CCBE1: variants seen among roughly 807,000 people sequenced by gnomAD.
CCBE1 encodes the protein collagen and calcium-binding EGF domain-containing protein 1.
A neutral mutation model predicts 50.0 loss-of-function variants in CCBE1; 37 were observed. The ratio of observed to expected loss-of-function variants is 0.74; its 90% CI spans 0.57 to 0.97. The LOEUF (loss-of-function observed/expected upper bound fraction) is 0.97. CCBE1 is among the 50% of genes least tolerant of loss of function. The pLI is 0.00. For synonymous variants in CCBE1, 234 were observed against 203.7 expected, an observed-to-expected ratio of 1.15 and a Z score of -1.27; for missense variants, 538 against 523.8, an observed-to-expected ratio of 1.03 and a Z score of -0.26.
chr18:59,483,324 C>T (rs1390357378), intron 2 of CCBE1, among the ~76,000 whole-genome samples: 2 of 152,172 alleles, frequency 1.3e-5, no homozygotes, highest in Non-Finnish European at 2.9e-5. Flanking sequence ...TAACCCTCAT[C>T]TGAAATACTT....
At chr18:59,693,005 A>G (rs868588585) in intron 2 of CCBE1, among the ~76,000 whole-genome samples, 1 of 142,036 alleles carries the variant, frequency 7.0e-6, no homozygotes, top group African/African-American at 2.6e-5. Context: ...CACACACACA[A>G]ACAAAAAACG....
chr18:59,589,811 A>G (rs2053234986), intron 2 of CCBE1, among the ~76,000 whole-genome samples: 1 of 129,350 alleles, frequency 7.7e-6, no homozygotes, highest in Non-Finnish European at 1.7e-5. Context: ...AAAAAAAAAA[A>G]GAAAGAAAAA....
intron 5 of CCBE1, among the ~76,000 whole-genome samples, chr18:59,464,532 C>A (rs1031526771): frequency 6.6e-6 from 1 of 152,242 alleles, no homozygotes; most frequent in Non-Finnish European, 1.5e-5. Context: ...CTATGAACAC[C>A]CCTGGGCAGG....
At chr18:59,481,761 T>A (rs1355324479) in intron 2 of CCBE1, among the ~76,000 whole-genome samples, 1 of 152,104 alleles carries the variant, frequency 6.6e-6, no homozygotes, top group Non-Finnish European at 1.5e-5. Flanking sequence ...ATTTCAGATT[T>A]AAAAAAACTA....
At chr18:59,560,144 T>TA (rs144262106) in intron 2 of CCBE1, among the ~76,000 whole-genome samples, 64 of 152,356 alleles carry the variant, frequency 4.2e-4, no homozygotes, top group African/African-American at 1.5e-3. Context: ...CCAGACTATA[T>TA]AGCAGGCACA....
At chr18:59,639,230 C>G (rs952675067) in intron 2 of CCBE1, among the ~76,000 whole-genome samples, 1 of 152,034 alleles carries the variant, frequency 6.6e-6, no homozygotes, top group Non-Finnish European at 1.5e-5. Flanking sequence ...TGATCACAAC[C>G]CACACTCCAG....
At chr18:59,673,344 G>A (rs542296002) in intron 2 of CCBE1, among the ~76,000 whole-genome samples, 125 of 152,260 alleles carry the variant, frequency 8.2e-4, no homozygotes, top group African/African-American at 2.9e-3. Context: ...CCAGCTACTT[G>A]GGAAGCTGAG....
At chr18:59,480,150 A>G in intron 3 of CCBE1, 36 bp downstream of exon 3, 1 of 1,305,494 alleles carries the variant, frequency 7.7e-7, no homozygotes, top group Non-Finnish European at 1.1e-6. Flanking sequence ...ATTAGTTGTG[A>G]ATAAAGTCAG....
intron 2 of CCBE1, among the ~76,000 whole-genome samples, chr18:59,582,109 T>C (rs1047064392): frequency 6.6e-6 from 1 of 152,168 alleles, no homozygotes; most frequent in African/African-American, 2.4e-5. Flanking sequence ...CTGTGCCTCA[T>C]AGTAGGGTGC....
chr18:59,661,499 C>T (rs748842344), intron 2 of CCBE1, among the ~76,000 whole-genome samples: 1 of 152,090 alleles, frequency 6.6e-6, no homozygotes, highest in Non-Finnish European at 1.5e-5. Context: ...CAAGTCAATC[C>T]TCATTACTCA....
chr18:59,626,787 GC>G (rs537763637), intron 2 of CCBE1, among the ~76,000 whole-genome samples: 193 of 152,344 alleles, frequency 1.3e-3, no homozygotes, highest in African/African-American at 4.5e-3. Flanking sequence ...TCCTCAAAGA[GC>G]CCTGTGAGAT....
At chr18:59,577,568 T>G (rs941462739) in intron 2 of CCBE1, among the ~76,000 whole-genome samples, 3 of 152,218 alleles carry the variant, frequency 2.0e-5, no homozygotes, top group Non-Finnish European at 2.9e-5. Context: ...TAAGAATTTG[T>G]GGATTTTTAA....
intron 2 of CCBE1, among the ~76,000 whole-genome samples, chr18:59,543,195 C>T (rs2144388501): frequency 6.6e-6 from 1 of 152,234 alleles, no homozygotes; most frequent in East Asian, 1.9e-4. Flanking sequence ...TCCCAGGGGC[C>T]TAGGATTCTG....
intron 2 of CCBE1, among the ~76,000 whole-genome samples, chr18:59,550,478 C>A (rs944242862): frequency 1.3e-5 from 2 of 152,174 alleles, no homozygotes; most frequent in African/African-American, 4.8e-5. Context: ...CAGAAGCCTT[C>A]ACAACACCAC....
At chr18:59,614,004 C>CAGGTG (rs1435304828) in intron 2 of CCBE1, among the ~76,000 whole-genome samples, 3 of 151,382 alleles carry the variant, frequency 2.0e-5, no homozygotes, top group African/African-American at 7.3e-5. Context: ...CACCTGAGTA[C>CAGGTG]CTGGGATTAC....
Position 59,656,765 on chromosome 18 carries a change from C to T in CCBE1, c.212+39864G>A, listed in dbSNP as rs540303435. Reference sequence around the variant, plus strand: ...ATGCTAATTTTGTAGGCTTCCTCTACGATAGAGACTTCTCAGTATTATCTT... The same window carrying T: ...ATGCTAATTTTGTAGGCTTCCTCTATGATAGAGACTTCTCAGTATTATCTT... On this transcript the variant is annotated intron_variant, in intron 2 of 10. Coordinates refer to ENST00000439986, the MANE Select transcript of CCBE1 (RefSeq NM_133459.4). Among the ~76,000 whole-genome samples the T allele has an allele frequency of 3.9e-4, 59 of 152,316 alleles. No homozygotes were observed. In the South Asian group the frequency reaches 8.9e-3, roughly 23 times the overall value.
intron 2 of CCBE1, among the ~76,000 whole-genome samples, chr18:59,538,758 A>G (rs755287954): frequency 6.6e-6 from 1 of 152,222 alleles, no homozygotes; most frequent in Non-Finnish European, 1.5e-5. Flanking sequence ...GACATCTACA[A>G]TGATCTCAAT....
Position 59,558,251 on chromosome 18 carries a change from T to C in CCBE1, c.213-78013A>G, listed in dbSNP as rs1390352506. On this transcript the variant is annotated intron_variant, in intron 2 of 10. Coordinates refer to ENST00000439986, the MANE Select transcript of CCBE1 (RefSeq NM_133459.4). ...AACACAGTTTCTCTCAATTCAGCAGTCTTCTAGTTAGTTGAGGTTGTTGAA... is the reference window on the plus strand; with the variant it reads ...AACACAGTTTCTCTCAATTCAGCAGCCTTCTAGTTAGTTGAGGTTGTTGAA... Among the ~76,000 whole-genome samples the C allele has an allele frequency of 1.5e-4, 23 of 152,202 alleles. 1 individual carries two copies. Among genetic ancestry groups the C allele is most frequent in the Admixed American group, 1.5e-3 (23 of 15,282 alleles).
chr18:59,627,600 G>A (rs1286671215), intron 2 of CCBE1, among the ~76,000 whole-genome samples: 2 of 152,182 alleles, frequency 1.3e-5, no homozygotes, highest in African/African-American at 2.4e-5. Flanking sequence ...GTCATAAGGA[G>A]GAAATCTGGA....
Sources: gnomAD v4.1 joint callset for allele counts (sites outside exome capture counted in the v4.1 genomes callset) on GRCh38, gnomAD v4.1.1 for gene constraint, MANE v1.5 for transcripts, NCBI Gene and HGNC (gene_info 2026-07-23, HGNC 2026-07-21) for gene names.